STK3: variants seen among roughly 807,000 people sequenced by gnomAD.
STK3 encodes the protein serine/threonine kinase 3.
In STK3, 41 loss-of-function variants were observed where a neutral mutation model predicts 58.0. The observed-to-expected ratio is 0.71, with a 90% CI of 0.55 to 0.92. STK3 has a LOEUF of 0.92. Among genes scored for constraint, STK3 ranks in the 40% least tolerant of loss-of-function variants. STK3 has a pLI of 0.00. For missense variants in STK3, 479 were observed against 602.7 expected (o/e 0.79, Z 2.15); for synonymous variants, 170 against 191.0 (o/e 0.89, Z 0.91).
intron 6 of STK3, among the ~76,000 whole-genome samples, chr8:98,652,798 T>C (rs1419076486): frequency 6.6e-6 from 1 of 150,904 alleles, no homozygotes; most frequent in Non-Finnish European, 1.5e-5. Context: ...TAAATATATA[T>C]GCACCCAATA....
At chr8:98,653,312 C>G (rs1050711314) in intron 6 of STK3, among the ~76,000 whole-genome samples, 1 of 152,160 alleles carries the variant, frequency 6.6e-6, no homozygotes, top group Non-Finnish European at 1.5e-5. Context: ...ATACCAGATT[C>G]TTTGGGACAC....
intron 6 of STK3, among the ~76,000 whole-genome samples, chr8:98,628,112 C>T (rs541230455): frequency 1.3e-5 from 2 of 152,244 alleles, no homozygotes; most frequent in East Asian, 3.9e-4. Flanking sequence ...AAACACAGTC[C>T]AGTAATGCAA....
intron 8 of STK3, among the ~76,000 whole-genome samples, chr8:98,573,419 A>G (rs900600342): frequency 6.6e-6 from 1 of 152,110 alleles, no homozygotes; most frequent in Non-Finnish European, 1.5e-5. Flanking sequence ...AGCCCCTTAT[A>G]AAACCATCAG....
chr8:98,530,813 T>C (rs1211014197), intron 9 of STK3, among the ~76,000 whole-genome samples: 2 of 152,250 alleles, frequency 1.3e-5, no homozygotes, highest in Non-Finnish European at 2.9e-5. Flanking sequence ...TTCTAAGTCC[T>C]TTGTTGTCAT....
At chr8:98,926,707 G>A (rs924103525) in intron 1 of STK3, among the ~76,000 whole-genome samples, 12 of 152,192 alleles carry the variant, frequency 7.9e-5, no homozygotes, top group African/African-American at 2.9e-4. Flanking sequence ...AAGAAATAAG[G>A]CATAGCCAGA....
Position 98,857,540 on chromosome 8 carries a change from TA to T in STK3, c.110+26106del, listed in dbSNP as rs1054150767. Among the ~76,000 whole-genome samples the T allele has an allele frequency of 1.6e-4, 24 of 149,872 alleles. 1 individual carries two copies. Among genetic ancestry groups the T allele is most frequent in the African/African-American group, 4.8e-4 (19 of 39,522 alleles). ...CTAAGTTTCTATCAAAAGAGCAGAA[TA>T]AAAAAAAGATTAAATGGCTTATTTG... is the stretch of plus-strand genomic sequence containing the variant. On this transcript the variant is annotated intron_variant, in intron 3 of 12. Transcript: ENST00000523601.
intron 2 of STK3, among the ~76,000 whole-genome samples, chr8:98,372,385 C>G (rs1037226271): frequency 6.6e-6 from 1 of 152,164 alleles, no homozygotes; most frequent in South Asian, 2.1e-4. Context: ...TGGGGAGGCC[C>G]GCAGACTCCA....
intron 8 of STK3, among the ~76,000 whole-genome samples, chr8:98,556,554 G>A (rs1426341966): frequency 6.6e-6 from 1 of 152,082 alleles, no homozygotes; most frequent in Non-Finnish European, 1.5e-5. Context: ...AACAAAAGTA[G>A]AAATATTCCA....
At chr8:98,829,179 T>C (rs1835436807), upstream of STK3, among the ~76,000 whole-genome samples, 1 of 152,144 alleles carries the variant, frequency 6.6e-6, no homozygotes, top group Non-Finnish European at 1.5e-5. Flanking sequence ...CTAGCTGTGT[T>C]CCAGAGAATC....
chr8:98,678,241 T>A (rs1823367975), intron 6 of STK3, among the ~76,000 whole-genome samples: 1 of 152,068 alleles, frequency 6.6e-6, no homozygotes, highest in Non-Finnish European at 1.5e-5. Flanking sequence ...TTAAAAAAAA[T>A]AATAATTTCC....
chr8:98,784,718 A>G (rs978132250), intron 1 of STK3, among the ~76,000 whole-genome samples: 1 of 152,148 alleles, frequency 6.6e-6, no homozygotes. Flanking sequence ...ATTGTGGTAC[A>G]GTGGGGCCCT....
At chr8:98,563,609 T>C (rs781180278) in intron 8 of STK3, among the ~76,000 whole-genome samples, 2 of 152,020 alleles carry the variant, frequency 1.3e-5, no homozygotes, top group Non-Finnish European at 2.9e-5. Context: ...CTTATTCTAG[T>C]ACTGGAACAG....
chr8:98,451,109 C>T (rs1056672838), downstream of STK3, among the ~76,000 whole-genome samples: 1 of 152,084 alleles, frequency 6.6e-6, no homozygotes, highest in Non-Finnish European at 1.5e-5. Flanking sequence ...TTAGTAGATG[C>T]TCACAAAATT....
chr8:98,483,131 C>T (rs1301316195), intron 10 of STK3, among the ~76,000 whole-genome samples: 2 of 152,232 alleles, frequency 1.3e-5, no homozygotes, highest in East Asian at 1.9e-4. Flanking sequence ...GGGGCCAAGT[C>T]CAGAGTCCAC....
chr8:98,672,965 T>C (rs976635992), intron 6 of STK3, among the ~76,000 whole-genome samples: 4 of 152,154 alleles, frequency 2.6e-5, no homozygotes, highest in African/African-American at 9.7e-5. Flanking sequence ...GCTATGACAG[T>C]TTGCTGTGTT....
chr8:98,566,585 C>T (rs1328832680), intron 8 of STK3, among the ~76,000 whole-genome samples: 1 of 152,056 alleles, frequency 6.6e-6, no homozygotes, highest in Non-Finnish European at 1.5e-5. Flanking sequence ...ATTTGATCTA[C>T]ATTATCTAAA....
chr8:98,589,415 T>C (rs1030899568), intron 7 of STK3, among the ~76,000 whole-genome samples: 5 of 151,994 alleles, frequency 3.3e-5, no homozygotes, highest in African/African-American at 1.2e-4. Context: ...TGCCCGGGGG[T>C]CAGGGGTCAT....
chr8:98,628,175 G>C (rs185703974), intron 6 of STK3, among the ~76,000 whole-genome samples: 1 of 152,218 alleles, frequency 6.6e-6, no homozygotes, highest in East Asian at 1.9e-4. Flanking sequence ...AGAATTTCTG[G>C]AAATTCTGAG....
At chr8:98,840,116 G>A (rs995229203) in intron 3 of STK3, among the ~76,000 whole-genome samples, 2 of 152,032 alleles carry the variant, frequency 1.3e-5, no homozygotes, top group Non-Finnish European at 2.9e-5. Flanking sequence ...AGAAGCTGAG[G>A]CAGGTGGTTC....
Sources: allele counts gnomAD v4.1 joint callset (sites outside exome capture counted in the v4.1 genomes callset), GRCh38; gene constraint gnomAD v4.1.1; transcripts MANE v1.5; gene names NCBI Gene and HGNC (gene_info 2026-07-23, HGNC 2026-07-21).